The following BTBD2 variants were observed in gnomAD, a reference collection of about 807,000 sequenced individuals.
The protein encoded by BTBD2 is BTB/POZ domain-containing protein 2.
In BTBD2, 15 loss-of-function variants were observed where a neutral mutation model predicts 44.0. That is an observed-to-expected ratio of 0.34 (90% CI 0.23 to 0.53). The LOEUF (loss-of-function observed/expected upper bound fraction) is 0.53, where lower values mean the gene tolerates loss of function less well. Ranked by LOEUF, BTBD2 falls within the 20% of genes least tolerant of loss-of-function variation. The pLI is 0.95. For synonymous variants in BTBD2, 443 were observed against 335.9 expected, an observed-to-expected ratio of 1.32 and a Z score of -3.49; for missense variants, 657 against 746.4, an observed-to-expected ratio of 0.88 and a Z score of 1.39.
intron 1 of BTBD2, among the ~76,000 whole-genome samples, chr19:1,998,732 C>T (rs534460034): frequency 1.1e-4 from 17 of 152,240 alleles, no homozygotes; most frequent in Admixed American, 7.9e-4. Context: ...CCTGCCCACA[C>T]GATGGCCTCC....
At chr19:2,003,186 C>T (rs895891930) in intron 1 of BTBD2, 2 of 152,014 alleles carry the variant, frequency 1.3e-5, no homozygotes, top group African/African-American at 4.8e-5. Flanking sequence ...AACTTAGCCG[C>T]ACACAGGCTG....
intron 4 of BTBD2, 150 bp from the exon 5 acceptor site, chr19:1,990,351 A>G (rs924631179): frequency 4.9e-6 from 4 of 808,946 alleles, no homozygotes; most frequent in Non-Finnish European, 7.7e-6. Context: ...GTGTTTATAA[A>G]TAAAGCTTTA....
chr19:1,986,480 C>A lies in BTBD2; in HGVS notation c.*8G>T. ...CACGGAGGGAGGGCGGTGTCGGTGTCGGGCAGCCTAGGTGTAGAAGATGAC... is the reference window on the plus strand; with the variant it reads ...CACGGAGGGAGGGCGGTGTCGGTGTAGGGCAGCCTAGGTGTAGAAGATGAC... On this transcript the variant is annotated 3_prime_UTR_variant, in exon 9 of 9. Transcript: ENST00000255608. The A allele has an allele frequency of 6.2e-7, 1 of 1,611,750 alleles. No homozygotes were observed. Among genetic ancestry groups the A allele is most frequent in the Non-Finnish European group, 8.5e-7 (1 of 1,178,260 alleles).
rs777502371 is a variant in BTBD2 at position 1,986,872 on chromosome 19, C to T, written c.1374G>A (p.Glu458=). Reference sequence around the variant, plus strand: ...CCGTGTAGTTGACGTTGGGCAGCACCTCCACCGGCTCCTTGAACATGACGC... The same window carrying T: ...CCGTGTAGTTGACGTTGGGCAGCACTTCCACCGGCTCCTTGAACATGACGC... ...TFRVMFKEPV[E]VLPNVNYTAC... Residue 458 remains glutamate, a synonymous_variant, in exon 8 of 9, where the codon GAG becomes GAA. Transcript: ENST00000255608. 3.1e-6 allele frequency: 5 copies of T among 1,612,650 alleles called. No homozygotes were observed. In the South Asian group the frequency reaches 4.4e-5, roughly 14 times the overall value.
At chr19:2,005,468 C>A (rs1460917958) in intron 1 of BTBD2, among the ~76,000 whole-genome samples, 1 of 152,108 alleles carries the variant, frequency 6.6e-6, no homozygotes, top group Non-Finnish European at 1.5e-5. Flanking sequence ...GCGTGCACCA[C>A]CATGCCTGGC....
chr19:1,992,347 G>C (rs1275537632), intron 3 of BTBD2, among the ~76,000 whole-genome samples: 2 of 151,952 alleles, frequency 1.3e-5, no homozygotes, highest in African/African-American at 2.4e-5. Context: ...TGATCTGCCT[G>C]TCTCAGCCTC....
chr19:1,996,143 GTTCCA>G (rs547834372), intron 2 of BTBD2, among the ~76,000 whole-genome samples: 119 of 152,258 alleles, frequency 7.8e-4, no homozygotes, highest in African/African-American at 2.6e-3. Flanking sequence ...TGAGCTCTCT[GTTCCA>G]TTCCATTGGT....
chr19:1,987,230 A>C lies in BTBD2; in HGVS notation c.1205T>G (p.Phe402Cys). The change falls in exon 7 of 9, where the codon TTC (phenylalanine) becomes TGC (cysteine). Residue 402 changes from phenylalanine to cysteine, a missense_variant. Phe to Cys is a radical substitution (Grantham distance 205). Transcript: ENST00000255608. ...TCCATACAGCCCAAATCCCACCACG[A>C]AGATGCGCTTGTTGACTGAGAACCT... ...RIRFSVNKRI[F>C]VVGFGLYGSI... The C allele has an allele frequency of 6.2e-7, 1 of 1,613,800 alleles. No individual in the cohort carries two copies. The highest frequency in any genetic ancestry group is 8.5e-7 in the Non-Finnish European group (1 of 1,179,856).
Position 1,989,979 on chromosome 19 carries a change from A to G in BTBD2, c.988+25T>C, listed in dbSNP as rs759469493. On this transcript the variant is annotated intron_variant, in intron 5 of 8. Transcript: ENST00000255608. ...CTGTGTGCCACTCCCCTCCCAAACC[A>G]GCCCCTGAGCCCGAGCTCTGTTACC... is the stretch of plus-strand genomic sequence containing the variant. 5.0e-6 allele frequency: 8 copies of G among 1,611,534 alleles called. No individual in the cohort carries two copies. In the South Asian group the frequency reaches 8.8e-5, roughly 18 times the overall value.
rs1238574050 is a variant in BTBD2 at position 1,990,825 on chromosome 19, GGC to G, written c.685-5_685-4del. 8.3e-6 allele frequency: 13 copies of G among 1,560,688 alleles called. No individual in the cohort carries two copies. Among genetic ancestry groups the G allele is most frequent in the African/African-American group, 4.1e-5 (3 of 73,400 alleles). On this transcript the variant is annotated splice_polypyrimidine_tract_variant and splice_region_variant and intron_variant, in intron 3 of 8. Coordinates refer to ENST00000255608, the MANE Select transcript of BTBD2 (RefSeq NM_017797.4). ...TGCGGTTCATCGAAGAGTCGCGCCT[GGC>G]AAGAGACATCGACGGGGGGCGCGGT... is the stretch of plus-strand genomic sequence containing the variant.
chr19:1,991,565 G>A (rs45520232), intron 3 of BTBD2, among the ~76,000 whole-genome samples: 3 of 152,156 alleles, frequency 2.0e-5, no homozygotes, highest in South Asian at 2.1e-4. Context: ...CAGATGACCC[G>A]GACAAGAAAC....
rs926778113 is a variant in BTBD2, at chr19:2,013,054, C to T, written c.407+2243G>A. ...GACGACAGAGACAGGGACGGCGACA[C>T]GGACGGCACAAGCCGTAGGAGGCCC... On this transcript the variant is annotated intron_variant, in intron 1 of 8. Coordinates refer to ENST00000255608, the MANE Select transcript of BTBD2 (RefSeq NM_017797.4). Among the ~76,000 whole-genome samples the T allele has an allele frequency of 3.9e-5, 6 of 152,314 alleles. No homozygotes were observed. The South Asian group carries it at 6.2e-4, about 16-fold the overall frequency.
intron 1 of BTBD2, among the ~76,000 whole-genome samples, chr19:2,004,458 C>T (rs2016369069): frequency 6.6e-6 from 1 of 151,874 alleles, no homozygotes; most frequent in Non-Finnish European, 1.5e-5. Flanking sequence ...TCACCACGCC[C>T]AGCTAATTCT....
At chr19:1,987,339 C>T (rs1222268598) in intron 6 of BTBD2, 86 bp from the exon 7 acceptor site, 4 of 1,510,614 alleles carry the variant, frequency 2.6e-6, no homozygotes, top group Middle Eastern at 1.8e-4. Flanking sequence ...ATGCCCGGTC[C>T]CCTCCATCGT....
At chr19:1,989,388 A>T (rs1280938824) in intron 5 of BTBD2, 1 of 155,360 alleles carries the variant, frequency 6.4e-6, no homozygotes, top group African/African-American at 2.4e-5. Flanking sequence ...CCTCTTGCTA[A>T]ATCTGGCGAC....
rs539698327 is a variant in BTBD2 at position 2,007,610 on chromosome 19, C to T, written c.407+7687G>A. Among the ~76,000 whole-genome samples, 3 of 152,230 alleles carry T rather than the reference C, an allele frequency of 2.0e-5. No homozygotes were observed. In the South Asian group the frequency reaches 6.2e-4, roughly 32 times the overall value. On this transcript the variant is annotated intron_variant, in intron 1 of 8. Coordinates refer to ENST00000255608, the MANE Select transcript of BTBD2 (RefSeq NM_017797.4). ...CAGTACTTTGGGAGGCCGGGGATAG[C>T]CTGAGGTCAGGAGTTTGAGACCAGC...
intron 1 of BTBD2, among the ~76,000 whole-genome samples, chr19:2,008,432 A>T (rs2016421827): frequency 6.6e-6 from 1 of 151,450 alleles, no homozygotes; most frequent in Non-Finnish European, 1.5e-5. Context: ...CTCAAGCAGC[A>T]GGTGCAAGCC....
At chr19:2,013,629 AGG>A in intron 1 of BTBD2, 1 of 981,144 alleles carries the variant, frequency 1.0e-6, no homozygotes, top group Non-Finnish European at 1.2e-6. Context: ...GGCAGGGCCC[AGG>A]GGTCTCTGGC....
intron 1 of BTBD2, among the ~76,000 whole-genome samples, chr19:2,011,796 A>G (rs1203185164): frequency 6.6e-6 from 1 of 151,906 alleles, no homozygotes; most frequent in Non-Finnish European, 1.5e-5. Flanking sequence ...ACAAGGACAC[A>G]GGCCTTCATC....
Sources: gnomAD v4.1 joint callset for allele counts (sites outside exome capture counted in the v4.1 genomes callset) on GRCh38, gnomAD v4.1.1 for gene constraint, MANE v1.5 for transcripts, NCBI Gene and HGNC (gene_info 2026-07-23, HGNC 2026-07-21) for gene names.